Variants in ST8SIA6 observed in about 807,000 individuals in gnomAD.
The protein encoded by ST8SIA6 is ST8 alpha-N-acetyl-neuraminide alpha-2,8-sialyltransferase 6.
A neutral mutation model predicts 33.6 loss-of-function variants in ST8SIA6; 39 were observed. The ratio of observed to expected loss-of-function variants is 1.16; its 90% CI spans 0.90 to 1.52. ST8SIA6 has a LOEUF of 1.52. Ranked by LOEUF, ST8SIA6 falls within the 40% of genes most tolerant of loss-of-function variation. The pLI is 0.00. For synonymous variants in ST8SIA6, 172 were observed against 167.2 expected, an observed-to-expected ratio of 1.03 and a Z score of -0.22; for missense variants, 441 against 443.8, an observed-to-expected ratio of 0.99 and a Z score of 0.06.
At chr10:17,374,071 C>CCA (rs58234998) in intron 3 of ST8SIA6, among the ~76,000 whole-genome samples, 24,219 of 138,718 alleles carry the variant, frequency 0.17, 2,417 homozygotes, top group African/African-American at 0.3. Context: ...TCAACAACCA[C>CCA]CACACACACA....
intron 2 of ST8SIA6, among the ~76,000 whole-genome samples, chr10:17,440,880 A>T (rs998095325): frequency 4.6e-5 from 7 of 152,180 alleles, no homozygotes; most frequent in African/African-American, 1.2e-4. Context: ...ATTTTGTCAC[A>T]TGCTTATTAG....
At chr10:17,336,895 A>G (rs936044181) in intron 4 of ST8SIA6, among the ~76,000 whole-genome samples, 1 of 152,024 alleles carries the variant, frequency 6.6e-6, no homozygotes, top group Admixed American at 6.6e-5. Context: ...TGCCTGGCCT[A>G]CATGTATGCT....
At chr10:17,435,484 A>G (rs75635086) in intron 2 of ST8SIA6, among the ~76,000 whole-genome samples, 5,553 of 152,302 alleles carry the variant, frequency 0.036, 325 homozygotes, top group African/African-American at 0.13. Flanking sequence ...TAAAATGAGA[A>G]TATTACCAGT....
At chr10:17,430,731 G>T (rs1852078112) in intron 2 of ST8SIA6, among the ~76,000 whole-genome samples, 2 of 152,046 alleles carry the variant, frequency 1.3e-5, no homozygotes, top group Non-Finnish European at 2.9e-5. Flanking sequence ...TTTTTGATGG[G>T]ATTATTTTTC....
chr10:17,367,875 T>C (rs1034103221), intron 3 of ST8SIA6, among the ~76,000 whole-genome samples: 1 of 152,182 alleles, frequency 6.6e-6, no homozygotes, highest in Non-Finnish European at 1.5e-5. Flanking sequence ...TTAAACCATA[T>C]ATGAGTGGCT....
At position 17,332,468 on chromosome 10, in the gene ST8SIA6, GT is replaced by G. The variant is rs143869450; in HGVS notation, c.378-917del. ...TCACCAGCATCTATTTCTTGACTTT[GT>G]TTTTTTATTTTTTGAGACAGAGTCT... is the stretch of plus-strand genomic sequence containing the variant. On this transcript the variant is annotated intron_variant, in intron 4 of 7. Coordinates refer to ENST00000377602, the MANE Select transcript of ST8SIA6 (RefSeq NM_001004470.3). Among the ~76,000 whole-genome samples the G allele has an allele frequency of 1.4e-3, 206 of 152,014 alleles. 1 individual carries two copies. The highest frequency in any genetic ancestry group is 4.7e-3 in the African/African-American group (197 of 41,484).
At chr10:17,440,163 G>T (rs1171258938) in intron 2 of ST8SIA6, among the ~76,000 whole-genome samples, 2 of 151,528 alleles carry the variant, frequency 1.3e-5, no homozygotes. Context: ...CTGATTTTTA[G>T]TCAGTTTTGT....
intron 3 of ST8SIA6, among the ~76,000 whole-genome samples, chr10:17,382,527 A>C (rs1850188065): frequency 6.6e-6 from 1 of 152,126 alleles, no homozygotes; most frequent in African/African-American, 2.4e-5. Context: ...CAGCCTCCCA[A>C]AGTGCTGGGA....
rs1194627266 is a variant in ST8SIA6, at chr10:17,415,033, CCTT to C, written c.201-24416_201-24414del. On this transcript the variant is annotated intron_variant, in intron 2 of 7. Coordinates refer to ENST00000377602, the MANE Select transcript of ST8SIA6 (RefSeq NM_001004470.3). ...CCTTCTCTTACATAACTAGGGTTAT[CCTT>C]CTCACAAGCACACAAACACGCTCCT... is the stretch of plus-strand genomic sequence containing the variant. Among the ~76,000 whole-genome samples, 11 of 152,186 alleles carry C rather than the reference CCTT, an allele frequency of 7.2e-5. No individual in the cohort carries two copies. The East Asian group carries it at 1.7e-3, about 24-fold the overall frequency.
chr10:17,391,417 T>C (rs920485763), intron 2 of ST8SIA6, among the ~76,000 whole-genome samples: 4 of 151,862 alleles, frequency 2.6e-5, no homozygotes, highest in Non-Finnish European at 5.9e-5. Context: ...CCTGCCACCA[T>C]GCCCGGCTAA....
At chr10:17,339,948 A>G (rs930549087) in intron 4 of ST8SIA6, among the ~76,000 whole-genome samples, 1 of 152,198 alleles carries the variant, frequency 6.6e-6, no homozygotes, top group Non-Finnish European at 1.5e-5. Flanking sequence ...CTGCCTTTAT[A>G]GTGTTTGTGA....
intron 2 of ST8SIA6, among the ~76,000 whole-genome samples, chr10:17,412,021 C>G (rs2131696027): frequency 6.6e-6 from 1 of 152,110 alleles, no homozygotes; most frequent in East Asian, 1.9e-4. Context: ...CATTTAAGCC[C>G]CTCTCGCTGC....
intron 2 of ST8SIA6, among the ~76,000 whole-genome samples, chr10:17,401,259 C>T (rs944820810): frequency 6.6e-6 from 1 of 152,094 alleles, no homozygotes; most frequent in African/African-American, 2.4e-5. Flanking sequence ...AACTACAAAC[C>T]ACTGCTCAAC....
At chr10:17,451,011 A>G (rs1014283991) in intron 2 of ST8SIA6, among the ~76,000 whole-genome samples, 3 of 152,156 alleles carry the variant, frequency 2.0e-5, no homozygotes, top group Non-Finnish European at 4.4e-5. Context: ...AGGCTCCACA[A>G]TGTGTTAACT....
At chr10:17,412,177 C>T (rs1161686565) in intron 2 of ST8SIA6, among the ~76,000 whole-genome samples, 2 of 152,078 alleles carry the variant, frequency 1.3e-5, no homozygotes, top group African/African-American at 4.8e-5. Flanking sequence ...TGTGACCATC[C>T]TCACATCACA....
chr10:17,373,530 T>C (rs774457253), intron 3 of ST8SIA6, among the ~76,000 whole-genome samples: 12 of 152,294 alleles, frequency 7.9e-5, no homozygotes, highest in Non-Finnish European at 1.8e-4. Context: ...CTCTTCCCAG[T>C]TTGCAGACTG....
At chr10:17,353,830 C>G (rs1849107877) in intron 4 of ST8SIA6, among the ~76,000 whole-genome samples, 1 of 152,108 alleles carries the variant, frequency 6.6e-6, no homozygotes, top group African/African-American at 2.4e-5. Flanking sequence ...ATCTTGGATT[C>G]CAGCTCATCT....
chr10:17,415,347 A>T (rs1180026357), intron 2 of ST8SIA6, among the ~76,000 whole-genome samples: 1 of 152,112 alleles, frequency 6.6e-6, no homozygotes, highest in East Asian at 1.9e-4. Context: ...CTCCTAAGAT[A>T]CTCAATCATT....
At chr10:17,365,672 A>C (rs528092443) in intron 3 of ST8SIA6, among the ~76,000 whole-genome samples, 1 of 152,316 alleles carries the variant, frequency 6.6e-6, no homozygotes, top group South Asian at 2.1e-4. Flanking sequence ...AGGGTTCTGC[A>C]TTATCTGTGG....
Sources: gnomAD v4.1 joint callset for allele counts (sites outside exome capture counted in the v4.1 genomes callset) on GRCh38, gnomAD v4.1.1 for gene constraint, MANE v1.5 for transcripts, NCBI Gene and HGNC (gene_info 2026-07-23, HGNC 2026-07-21) for gene names.